The following SLC35F3 variants were observed in gnomAD, a reference collection of about 807,000 sequenced individuals.
SLC35F3 encodes solute carrier family 35 member F3.
SLC35F3 carries 25 observed loss-of-function variants against 49.9 expected under a neutral mutation model. The observed-to-expected ratio is 0.50, with a 90% CI of 0.37 to 0.70. The LOEUF is 0.70. SLC35F3 is among the 30% of genes least tolerant of loss of function. The pLI is 0.00. For missense variants in SLC35F3, 525 were observed against 639.8 expected, an observed-to-expected ratio of 0.82 and a Z score of 1.94; for synonymous variants, 275 against 265.4, an observed-to-expected ratio of 1.04 and a Z score of -0.35.
At chr1:234,132,415 A>G (rs1665749943) in intron 2 of SLC35F3, among the ~76,000 whole-genome samples, 1 of 152,250 alleles carries the variant, frequency 6.6e-6, no homozygotes, top group South Asian at 2.1e-4. Context: ...TAGAATTGCT[A>G]AGAATATACA....
chr1:233,983,767 T>G (rs943738923), intron 2 of SLC35F3, among the ~76,000 whole-genome samples: 2 of 152,214 alleles, frequency 1.3e-5, no homozygotes, highest in African/African-American at 4.8e-5. Context: ...GTTCTCACTG[T>G]AAAAGCAATA....
intron 6 of SLC35F3, among the ~76,000 whole-genome samples, chr1:234,319,582 G>A (rs187819233): frequency 6.7e-6 from 1 of 149,458 alleles, no homozygotes; most frequent in East Asian, 1.9e-4. Flanking sequence ...TGCACCTGCA[G>A]TCCCAGCTAC....
chr1:233,978,394 G>A (rs781028114), intron 2 of SLC35F3, among the ~76,000 whole-genome samples: 3 of 152,182 alleles, frequency 2.0e-5, no homozygotes, highest in African/African-American at 7.2e-5. Flanking sequence ...ATGTAATGAC[G>A]AGGGTTTTAT....
intron 2 of SLC35F3, among the ~76,000 whole-genome samples, chr1:234,108,727 AT>A (rs56911999): frequency 0.27 from 21,941 of 81,716 alleles, 3,936 homozygotes; most frequent in South Asian, 0.35. Flanking sequence ...ATATATATAA[AT>A]ATATATATCT....
At chr1:234,014,706 T>C (rs1663776181) in intron 2 of SLC35F3, among the ~76,000 whole-genome samples, 2 of 151,916 alleles carry the variant, frequency 1.3e-5, no homozygotes, top group South Asian at 2.1e-4. Context: ...GAAAAAGAAA[T>C]TAAGAAAAAA....
intron 2 of SLC35F3, among the ~76,000 whole-genome samples, chr1:234,030,870 G>A (rs888906991): frequency 6.6e-6 from 1 of 152,106 alleles, no homozygotes; most frequent in Non-Finnish European, 1.5e-5. Flanking sequence ...TCTCCTAATC[G>A]ACATTGCTTG....
Position 234,323,765 on chromosome 1 carries a change from A to T in SLC35F3, c.*522A>T, listed in dbSNP as rs1353113225. 6.2e-6 allele frequency: 1 copy of T among 161,640 alleles called. No homozygotes were observed. Among genetic ancestry groups the T allele is most frequent in the Non-Finnish European group, 1.4e-5 (1 of 73,366 alleles). The allele number at this position is 161,640 out of a possible 1,614,324, so 10.0% of individuals were successfully genotyped here. On this transcript the variant is annotated 3_prime_UTR_variant, in exon 8 of 8. Transcript: ENST00000366618. This position sits in a 1 kb window ranked among gnomAD's most constrained non-coding sequence, Gnocchi z 4.5. ...AAGGAGGGAGGGAAGGATGTCTGGGATGTGAAGAGGCAAGGCAGAAATGGA... is the reference window on the plus strand; with the variant it reads ...AAGGAGGGAGGGAAGGATGTCTGGGTTGTGAAGAGGCAAGGCAGAAATGGA...
intron 2 of SLC35F3, among the ~76,000 whole-genome samples, chr1:234,151,669 G>A (rs1666077503): frequency 6.6e-6 from 1 of 151,956 alleles, no homozygotes; most frequent in Non-Finnish European, 1.5e-5. Flanking sequence ...CGTGCCTTAA[G>A]AGAAATAAAA....
chr1:234,168,979 G>C (rs1268889498), intron 2 of SLC35F3, among the ~76,000 whole-genome samples: 1 of 152,204 alleles, frequency 6.6e-6, no homozygotes, highest in Admixed American at 6.5e-5. Context: ...TTGGAAGCTA[G>C]AGTGCTAGGA....
At chr1:234,302,292 G>A (rs887728848) in intron 3 of SLC35F3, among the ~76,000 whole-genome samples, 1 of 152,098 alleles carries the variant, frequency 6.6e-6, no homozygotes, top group Non-Finnish European at 1.5e-5. Context: ...AAGCTAAGAG[G>A]GTGTTTCAGG....
chr1:234,087,045 T>C (rs748500872), intron 2 of SLC35F3, among the ~76,000 whole-genome samples: 1 of 152,236 alleles, frequency 6.6e-6, no homozygotes, highest in African/African-American at 2.4e-5. Context: ...ATGACCTGTT[T>C]GAACTTCTAG....
At chr1:234,196,714 C>T (rs189411311) in intron 2 of SLC35F3, among the ~76,000 whole-genome samples, 1 of 152,140 alleles carries the variant, frequency 6.6e-6, no homozygotes, top group Non-Finnish European at 1.5e-5. Context: ...CTGAGGTGGG[C>T]GGATCACCTG....
rs955692073 is a variant in SLC35F3 at position 234,318,853 on chromosome 1, A to G, written c.1057A>G (p.Ile353Val). 1.2e-6 allele frequency: 2 copies of G among 1,614,084 alleles called. No homozygotes were observed. The highest frequency in any genetic ancestry group is 1.7e-6 in the Non-Finnish European group (2 of 1,179,988). Residue 353 changes from isoleucine to valine, a missense_variant, in exon 6 of 8, where the codon ATT becomes GTT. Physicochemically the swap from Ile to Val is conservative, Grantham distance 29. Transcript: ENST00000366618. The part of the protein sequence containing the change: ...FNILFITCIP[I>V]ILYFTKVEYW... ...CATCCTCTTCATCACCTGCATTCCT[A>G]TTATCCTCTACTTTACCAAAGTGGA...
intron 2 of SLC35F3, among the ~76,000 whole-genome samples, chr1:234,111,313 C>T (rs79413431): frequency 0.02 from 2,989 of 152,062 alleles, 99 homozygotes; most frequent in African/African-American, 0.067. Context: ...TTTTATGAGA[C>T]GGAGTTTCGC....
intron 2 of SLC35F3, among the ~76,000 whole-genome samples, chr1:234,047,493 CT>C (rs1664308417): frequency 6.6e-6 from 1 of 152,200 alleles, no homozygotes; most frequent in Non-Finnish European, 1.5e-5. Flanking sequence ...GGGATAACAG[CT>C]TTCTTCCTGC....
intron 3 of SLC35F3, among the ~76,000 whole-genome samples, chr1:234,260,909 CAG>C (rs747149578): frequency 2.5e-4 from 38 of 152,188 alleles, no homozygotes; most frequent in Non-Finnish European, 4.9e-4. Flanking sequence ...CAAGTATACA[CAG>C]AGTTCCCATG....
At chr1:234,012,053 A>G (rs573775210) in intron 2 of SLC35F3, among the ~76,000 whole-genome samples, 2 of 152,320 alleles carry the variant, frequency 1.3e-5, no homozygotes, top group Non-Finnish European at 1.5e-5. Context: ...GATAATAGGA[A>G]GAAGGTCAGC....
At chr1:234,191,850 C>T (rs967951595) in intron 2 of SLC35F3, among the ~76,000 whole-genome samples, 1 of 151,890 alleles carries the variant, frequency 6.6e-6, no homozygotes, top group African/African-American at 2.4e-5. Flanking sequence ...AACTAGAAAA[C>T]CTAGAGGAGA....
intron 2 of SLC35F3, among the ~76,000 whole-genome samples, chr1:234,129,288 G>A (rs1274140455): frequency 6.6e-6 from 1 of 152,188 alleles, no homozygotes; most frequent in African/African-American, 2.4e-5. Context: ...ACAATGAGAT[G>A]TGTATACCTT....
Sources: allele counts gnomAD v4.1 joint callset (sites outside exome capture counted in the v4.1 genomes callset), GRCh38; gene constraint gnomAD v4.1.1; non-coding constraint Gnocchi (gnomAD v3.1); transcripts MANE v1.5; gene names NCBI Gene and HGNC (gene_info 2026-07-23, HGNC 2026-07-21).